The following ZNF385D variants were observed in gnomAD, a reference collection of about 807,000 sequenced individuals.
ZNF385D encodes the protein zinc finger protein 659.
Under a neutral mutation model 35.8 loss-of-function variants are expected in ZNF385D, and 15 were observed. The ratio of observed to expected loss-of-function variants is 0.42; its 90% CI spans 0.28 to 0.64. ZNF385D has a LOEUF of 0.64. Among genes scored for constraint, ZNF385D ranks in the 30% least tolerant of loss-of-function variants. ZNF385D has a pLI of 0.23. For synonymous variants in ZNF385D, 212 were observed against 186.8 expected (o/e 1.13, Z -1.10); for missense variants, 474 against 494.6 (o/e 0.96, Z 0.39).
intron 3 of ZNF385D, among the ~76,000 whole-genome samples, chr3:21,773,710 A>G (rs2071173080): frequency 2.0e-5 from 3 of 151,888 alleles, no homozygotes; most frequent in South Asian, 2.1e-4. Flanking sequence ...GAAAATCAAA[A>G]CTACAATAGA....
At chr3:21,720,452 G>A (rs960596848) in intron 1 of ZNF385D, among the ~76,000 whole-genome samples, 1 of 152,156 alleles carries the variant, frequency 6.6e-6, no homozygotes, top group Non-Finnish European at 1.5e-5. Context: ...TACTCAGGAG[G>A]CTGAGATGGG....
intron 3 of ZNF385D, among the ~76,000 whole-genome samples, chr3:21,829,342 A>C (rs531933998): frequency 1.3e-5 from 2 of 152,140 alleles, no homozygotes; most frequent in Non-Finnish European, 2.9e-5. Context: ...AGAAGGAGGC[A>C]AAGAGCTTTC....
chr3:22,204,475 A>G (rs1022714773), intron 2 of ZNF385D, among the ~76,000 whole-genome samples: 17 of 152,090 alleles, frequency 1.1e-4, no homozygotes, highest in Non-Finnish European at 7.4e-5. Context: ...ACAAGCATCA[A>G]GAGCATCGAG....
intron 3 of ZNF385D, among the ~76,000 whole-genome samples, chr3:21,925,953 G>A (rs1031214729): frequency 6.6e-6 from 1 of 152,028 alleles, no homozygotes; most frequent in Non-Finnish European, 1.5e-5. Context: ...TATCAGAATG[G>A]CTAAGTAAAA....
intron 1 of ZNF385D, among the ~76,000 whole-genome samples, chr3:21,720,875 A>G (rs1391020235): frequency 1.3e-5 from 2 of 152,184 alleles, no homozygotes; most frequent in African/African-American, 4.8e-5. Context: ...TGATTTCCAT[A>G]TGGTGACAAA....
chr3:22,281,562 A>G (rs547009992), intron 2 of ZNF385D, among the ~76,000 whole-genome samples: 2 of 152,168 alleles, frequency 1.3e-5, no homozygotes, highest in African/African-American at 4.8e-5. Flanking sequence ...ATGTTAAACC[A>G]TCCCTGCGCA....
intron 3 of ZNF385D, among the ~76,000 whole-genome samples, chr3:21,776,893 G>T (rs1164029050): frequency 6.6e-6 from 1 of 151,928 alleles, no homozygotes; most frequent in Non-Finnish European, 1.5e-5. Context: ...ATAGGTTTTA[G>T]AGTGAATACT....
At chr3:22,129,422 TC>T (rs1213925701) in intron 3 of ZNF385D, among the ~76,000 whole-genome samples, 7 of 152,166 alleles carry the variant, frequency 4.6e-5, no homozygotes, top group African/African-American at 1.7e-4. Flanking sequence ...TGCAGCAGGT[TC>T]CCTTCTGGCC....
chr3:21,887,135 A>T (rs936813395), intron 3 of ZNF385D, among the ~76,000 whole-genome samples: 26 of 152,014 alleles, frequency 1.7e-4, no homozygotes, highest in African/African-American at 6.3e-4. Flanking sequence ...TACAAATTTT[A>T]CCTTTGAGAA....
intron 3 of ZNF385D, among the ~76,000 whole-genome samples, chr3:21,813,369 T>C (rs1306946421): frequency 1.3e-5 from 2 of 152,016 alleles, no homozygotes; most frequent in South Asian, 2.1e-4. Flanking sequence ...TTGACAGAAG[T>C]AGGCCTCAGA....
intron 4 of ZNF385D, among the ~76,000 whole-genome samples, chr3:21,451,250 C>T (rs1702441537): frequency 6.6e-6 from 1 of 151,876 alleles, no homozygotes; most frequent in African/African-American, 2.4e-5. Flanking sequence ...AAGAATATAT[C>T]CTGTTAAGAT....
chr3:21,953,556 G>T (rs1007716711), intron 3 of ZNF385D, among the ~76,000 whole-genome samples: 1 of 151,946 alleles, frequency 6.6e-6, no homozygotes, highest in African/African-American at 2.4e-5. Context: ...AATAGCTTTG[G>T]TTCTTAGTGG....
At chr3:22,250,405 A>G (rs1294884990) in intron 2 of ZNF385D, among the ~76,000 whole-genome samples, 1 of 152,052 alleles carries the variant, frequency 6.6e-6, no homozygotes, top group Non-Finnish European at 1.5e-5. Flanking sequence ...CAACCTCCCT[A>G]AGCAGGTTGA....
chr3:22,039,327 G>T (rs711688), intron 3 of ZNF385D, among the ~76,000 whole-genome samples: 37,761 of 149,794 alleles, frequency 0.25, 5,567 homozygotes, highest in East Asian at 0.41. Flanking sequence ...GCTATTCCCA[G>T]AAAATGTCAA....
At chr3:22,177,043 C>G (rs1187329492) in intron 2 of ZNF385D, among the ~76,000 whole-genome samples, 2 of 152,126 alleles carry the variant, frequency 1.3e-5, no homozygotes, top group East Asian at 3.9e-4. Flanking sequence ...TTCTGACCTA[C>G]TGTTCCTATT....
At chr3:22,117,956 T>C (rs564547694) in intron 3 of ZNF385D, among the ~76,000 whole-genome samples, 1 of 152,170 alleles carries the variant, frequency 6.6e-6, no homozygotes, top group East Asian at 1.9e-4. Context: ...TCATGGATAT[T>C]ACAGAAGTAA....
chr3:22,012,204 T>C (rs538739907), intron 3 of ZNF385D, among the ~76,000 whole-genome samples: 1 of 152,306 alleles, frequency 6.6e-6, no homozygotes, highest in East Asian at 1.9e-4. Context: ...AGAGGATATA[T>C]GACACACCTC....
chr3:22,037,866 G>A (rs560553597), intron 3 of ZNF385D, among the ~76,000 whole-genome samples: 2 of 152,124 alleles, frequency 1.3e-5, no homozygotes, highest in East Asian at 1.9e-4. Flanking sequence ...CATGGTACTG[G>A]TACCAAAACA....
At chr3:22,222,053 T>C (rs1698289186) in intron 2 of ZNF385D, among the ~76,000 whole-genome samples, 1 of 152,200 alleles carries the variant, frequency 6.6e-6, no homozygotes, top group African/African-American at 2.4e-5. Context: ...CTCAGCTCAC[T>C]GCAACCTCCA....
Sources: allele counts gnomAD v4.1 joint callset (sites outside exome capture counted in the v4.1 genomes callset), GRCh38; gene constraint gnomAD v4.1.1; transcripts MANE v1.5; gene names NCBI Gene and HGNC (gene_info 2026-07-23, HGNC 2026-07-21).